Variants in MAML3 observed in about 807,000 individuals in gnomAD.
MAML3 encodes mastermind-like protein 3.
MAML3 carries 27 observed loss-of-function variants against 101.9 expected under a neutral mutation model. That is an observed-to-expected ratio of 0.27 (90% confidence interval 0.20 to 0.37). The LOEUF is 0.37. Among genes scored for constraint, MAML3 ranks in the 10% least tolerant of loss-of-function variants. The pLI is 1.00. For missense variants in MAML3, 1,316 were observed against 1,444.9 expected, an observed-to-expected ratio of 0.91 and a Z score of 1.45; for synonymous variants, 501 against 555.9, an observed-to-expected ratio of 0.90 and a Z score of 1.39.
chr4:140,087,810 G>A (rs1211577487), intron 1 of MAML3, among the ~76,000 whole-genome samples: 2 of 152,164 alleles, frequency 1.3e-5, no homozygotes, highest in African/African-American at 4.8e-5. Flanking sequence ...GTCATAGGTG[G>A]AGGAAGGGGC....
chr4:139,832,129 G>T (rs1731178575), intron 2 of MAML3, among the ~76,000 whole-genome samples: 1 of 68,186 alleles, frequency 1.5e-5, no homozygotes, highest in Non-Finnish European at 3.1e-5. Context: ...TTTTGAGACA[G>T]AGTCTTTCTC....
intron 2 of MAML3, among the ~76,000 whole-genome samples, chr4:139,821,635 C>T (rs918796380): frequency 6.6e-6 from 1 of 152,200 alleles, no homozygotes; most frequent in Non-Finnish European, 1.5e-5. Context: ...ACCTGAAGAA[C>T]AGAAGAGGCT....
chr4:140,137,656 G>T (rs1406156887), intron 1 of MAML3, among the ~76,000 whole-genome samples: 2 of 152,218 alleles, frequency 1.3e-5, no homozygotes, highest in Non-Finnish European at 2.9e-5. Flanking sequence ...TGTTAATAGA[G>T]TAATGAAAAC....
chr4:139,907,940 C>T (rs756180592), intron 1 of MAML3, among the ~76,000 whole-genome samples: 3 of 152,232 alleles, frequency 2.0e-5, no homozygotes, highest in South Asian at 2.1e-4. Flanking sequence ...ATATAGAAGC[C>T]GTCTACCTTT....
chr4:139,984,227 G>A (rs866594260), intron 1 of MAML3, among the ~76,000 whole-genome samples: 3 of 152,118 alleles, frequency 2.0e-5, no homozygotes, highest in South Asian at 2.1e-4. Context: ...TAGATGGTTC[G>A]CATGGGGTGG....
At chr4:139,868,033 C>T (rs1303160406) in intron 2 of MAML3, among the ~76,000 whole-genome samples, 1 of 152,216 alleles carries the variant, frequency 6.6e-6, no homozygotes, top group Non-Finnish European at 1.5e-5. Flanking sequence ...TTATAAGGCA[C>T]TTCTTTTGTA....
Position 139,755,860 on chromosome 4 carries a change from C to A in MAML3, c.2080-25193G>T, listed in dbSNP as rs549518700. 2.2e-3 allele frequency among the ~76,000 whole-genome samples: 338 copies of A among 152,252 alleles called. 1 individual carries two copies. Among genetic ancestry groups the A allele is most frequent in the African/African-American group, 5.4e-3 (226 of 41,532 alleles). ...CAACAGTTAAAATAAAATAAAAAAACCCCCTAACTCTGTAATTTCTAATTC... is the reference window on the plus strand; with the variant it reads ...CAACAGTTAAAATAAAATAAAAAAAACCCCTAACTCTGTAATTTCTAATTC... On this transcript the variant is annotated intron_variant, in intron 2 of 4. Coordinates refer to ENST00000509479, the MANE Select transcript of MAML3 (RefSeq NM_018717.5).
chr4:140,076,943 G>A (rs972007297), intron 1 of MAML3, among the ~76,000 whole-genome samples: 4 of 152,154 alleles, frequency 2.6e-5, no homozygotes, highest in Non-Finnish European at 4.4e-5. Flanking sequence ...AGGCTGGAGT[G>A]CAGTGGCGCA....
chr4:140,088,563 G>A (rs997073117), intron 1 of MAML3, among the ~76,000 whole-genome samples: 5 of 151,588 alleles, frequency 3.3e-5, no homozygotes, highest in Admixed American at 6.6e-5. Context: ...CCTATTCTAC[G>A]TGGTACTAAC....
intron 1 of MAML3, among the ~76,000 whole-genome samples, chr4:140,135,913 C>G (rs1181034526): frequency 2.6e-5 from 4 of 152,200 alleles, no homozygotes; most frequent in African/African-American, 7.2e-5. Context: ...TCTCCCTCCC[C>G]CTTCTCCTTC....
At chr4:139,959,396 TCCATAGCA>T (rs536574826) in intron 1 of MAML3, among the ~76,000 whole-genome samples, 38 of 152,202 alleles carry the variant, frequency 2.5e-4, no homozygotes, top group Non-Finnish European at 5.3e-4. Flanking sequence ...TTCCAAGGCT[TCCATAGCA>T]CTTTAGTTCT....
At chr4:139,728,759 T>C (rs1241666812) in intron 3 of MAML3, among the ~76,000 whole-genome samples, 1 of 152,156 alleles carries the variant, frequency 6.6e-6, no homozygotes, top group Non-Finnish European at 1.5e-5. Context: ...GGGGGCATCA[T>C]CTTGACGTGT....
chr4:139,848,152 C>T (rs1731481234), intron 2 of MAML3, among the ~76,000 whole-genome samples: 1 of 152,130 alleles, frequency 6.6e-6, no homozygotes, highest in Non-Finnish European at 1.5e-5. Context: ...GTTTTTAAAC[C>T]ATTAGTGGCT....
chr4:140,035,579 G>A (rs527605907), intron 1 of MAML3, among the ~76,000 whole-genome samples: 4 of 152,174 alleles, frequency 2.6e-5, no homozygotes, highest in Admixed American at 2.0e-4. Context: ...GGTAGATCAC[G>A]AGGTCAGGAG....
chr4:139,891,382 G>A (rs148889448), intron 1 of MAML3, among the ~76,000 whole-genome samples: 271 of 152,260 alleles, frequency 1.8e-3, no homozygotes, highest in African/African-American at 6.3e-3. Flanking sequence ...AGGTTCAAGC[G>A]ATTCTGCTGC....
chr4:139,723,736 C>T (rs1365324709), intron 4 of MAML3, among the ~76,000 whole-genome samples: 1 of 152,086 alleles, frequency 6.6e-6, no homozygotes, highest in African/African-American at 2.4e-5. Context: ...GAGTTATGAA[C>T]CTGGAAAACT....
At chr4:139,830,692 G>GCTCA (rs1179821517) in intron 2 of MAML3, among the ~76,000 whole-genome samples, 3 of 152,026 alleles carry the variant, frequency 2.0e-5, no homozygotes, top group African/African-American at 7.3e-5. Flanking sequence ...GGGATTACAG[G>GCTCA]CGTGAGCCAC....
At chr4:140,100,058 C>G (rs750219645) in intron 1 of MAML3, among the ~76,000 whole-genome samples, 22 of 152,040 alleles carry the variant, frequency 1.4e-4, no homozygotes, top group Admixed American at 9.8e-4. Context: ...CTTGAACGAC[C>G]GCAGCCCCCA....
rs1050841381 is a variant in MAML3 at position 139,717,780 on chromosome 4, G to A, written c.*1543C>T. Reference sequence around the variant, plus strand: ...GGAGGGAGGAGGGGACAGGAAAAAAGCACACGCCACTCTCACTTAGGACGA... The same window carrying A: ...GGAGGGAGGAGGGGACAGGAAAAAAACACACGCCACTCTCACTTAGGACGA... On this transcript the variant is annotated 3_prime_UTR_variant, in exon 5 of 5. Transcript: ENST00000509479. The A allele has an allele frequency of 6.6e-6, 1 of 152,326 alleles. No individual in the cohort carries two copies. Among genetic ancestry groups the A allele is most frequent in the East Asian group, 1.9e-4 (1 of 5,184 alleles). 9.4% of individuals were successfully genotyped at this position (152,326 alleles called of 1,614,324 possible).
Sources: gnomAD v4.1 joint callset for allele counts (sites outside exome capture counted in the v4.1 genomes callset) on GRCh38, gnomAD v4.1.1 for gene constraint, MANE v1.5 for transcripts, NCBI Gene and HGNC (gene_info 2026-07-23, HGNC 2026-07-21) for gene names.